PXK: variants seen among roughly 807,000 people sequenced by gnomAD.
PXK encodes PX domain-containing protein kinase-like protein.
A neutral mutation model predicts 84.7 loss-of-function variants in PXK; 35 were observed. That is an observed-to-expected ratio of 0.41 (90% CI 0.32 to 0.55). The LOEUF (loss-of-function observed/expected upper bound fraction) is 0.55. Among genes scored for constraint, PXK ranks in the 20% least tolerant of loss-of-function variants. The pLI is 0.21. For missense variants in PXK, 634 were observed against 699.7 expected (o/e 0.91, Z 1.06); for synonymous variants, 253 against 260.8 (o/e 0.97, Z 0.29).
chr3:58,336,060 TATATA>T (rs2097590136), intron 1 of PXK, among the ~76,000 whole-genome samples: 1 of 57,066 alleles, frequency 1.8e-5, no homozygotes, highest in African/African-American at 1.2e-4. Flanking sequence ...TATATATATA[TATATA>T]TATATATTTT....
intron 1 of PXK, among the ~76,000 whole-genome samples, chr3:58,351,550 C>T (rs745436365): frequency 1.3e-5 from 2 of 152,014 alleles, no homozygotes; most frequent in Non-Finnish European, 2.9e-5. Context: ...TGTGAGCCAC[C>T]GTGCCTGGCC....
chr3:58,336,325 G>A (rs2097608794), intron 1 of PXK, among the ~76,000 whole-genome samples: 1 of 152,040 alleles, frequency 6.6e-6, no homozygotes, highest in African/African-American at 2.4e-5. Context: ...GTCACCACCA[G>A]AAAGGCATAT....
In PXK at chr3:58,385,605, C is replaced by G. The variant is rs13071861; in HGVS notation, c.388+2905C>G. Among the ~76,000 whole-genome samples the G allele has an allele frequency of 0.15, 22,204 of 152,132 alleles. 1,603 individuals carry two copies. Among genetic ancestry groups the G allele is most frequent in the East Asian group, 0.19 (985 of 5,168 alleles). ...CCGTGACCTTCTGGGTTCAAGTGAT[C>G]CTTGCGCTCCAGCCTCCTGAGTAGC... On this transcript the variant is annotated intron_variant, in intron 4 of 17. Coordinates refer to ENST00000356151, the MANE Select transcript of PXK (RefSeq NM_017771.5). This position sits in a 1 kb window ranked among gnomAD's most constrained non-coding sequence, Gnocchi z 5.1.
At chr3:58,420,458 AC>A in intron 17 of PXK, 2 of 1,481,520 alleles carry the variant, frequency 1.3e-6, no homozygotes, top group Admixed American at 3.9e-5. Context: ...ACTGTCTGTT[AC>A]TATTTGATTA....
At chr3:58,423,446 A>T (rs4681852) in intron 17 of PXK, 234,520 of 1,526,516 alleles carry the variant, frequency 0.15, 18,195 homozygotes, top group East Asian at 0.21. Flanking sequence ...TATTTGTGTG[A>T]TTCTTTAATT....
intron 17 of PXK, among the ~76,000 whole-genome samples, chr3:58,424,422 C>T (rs1006593987): frequency 6.6e-6 from 1 of 152,178 alleles, no homozygotes; most frequent in Non-Finnish European, 1.5e-5. Context: ...ATAGATGGAA[C>T]TCTTCTTTGG....
At chr3:58,406,636 G>C (rs953629555) in intron 13 of PXK, among the ~76,000 whole-genome samples, 1 of 152,120 alleles carries the variant, frequency 6.6e-6, no homozygotes, top group Non-Finnish European at 1.5e-5. Flanking sequence ...TAAGTGTACA[G>C]TTCAGTGGTG....
In PXK at chr3:58,425,847, T is replaced by G. The variant is rs1328843145; in HGVS notation, c.*887T>G. 6.6e-6 allele frequency: 1 copy of G among 152,224 alleles called. No homozygotes were observed. Among genetic ancestry groups the G allele is most frequent in the Non-Finnish European group, 1.5e-5 (1 of 68,040 alleles). The allele number at this position is 152,224 out of a possible 1,614,324, so 9.4% of individuals were successfully genotyped here. A position where few individuals can be genotyped will look rare whatever the true frequency, so the allele number is the denominator to read the frequency against. On this transcript the variant is annotated 3_prime_UTR_variant, in exon 18 of 18. Coordinates refer to ENST00000356151, the MANE Select transcript of PXK (RefSeq NM_017771.5). The stretch of plus-strand genomic sequence containing the variant: ...GTTAGTCATTTATTAGAAAGATCCT[T>G]TATCCTGATTTGCTTAAACCTTTCA...
intron 3 of PXK, among the ~76,000 whole-genome samples, chr3:58,376,538 C>G (rs1346125202): frequency 6.6e-6 from 1 of 152,156 alleles, no homozygotes; most frequent in Non-Finnish European, 1.5e-5. Context: ...ACTTAGCATA[C>G]ACACACGTAA....
rs1242031432 is a variant in PXK, at chr3:58,407,797, T to G, written c.1231-1127T>G. ...GTCTTGAACTTCTGACCTCAAGTGA[T>G]CCACCCACCTCAGCCTCCCAAAGTA... On this transcript the variant is annotated intron_variant, in intron 13 of 17. Transcript: ENST00000356151. The surrounding 1 kb of genome is among the most constrained non-coding windows in gnomAD (Gnocchi z 4.3). Among the ~76,000 whole-genome samples, 2 of 152,220 alleles carry G rather than the reference T, an allele frequency of 1.3e-5. No individual in the cohort carries two copies. The highest frequency in any genetic ancestry group is 4.8e-5 in the African/African-American group (2 of 41,456).
rs1466581809 is a variant in PXK, at chr3:58,407,832, C to T, written c.1231-1092C>T. Among the ~76,000 whole-genome samples the T allele has an allele frequency of 6.6e-6, 1 of 152,234 alleles. No homozygotes were observed. The highest frequency in any genetic ancestry group is 2.4e-5 in the African/African-American group (1 of 41,458). On this transcript the variant is annotated intron_variant, in intron 13 of 17. Coordinates refer to ENST00000356151, the MANE Select transcript of PXK (RefSeq NM_017771.5). The surrounding 1 kb of genome is among the most constrained non-coding windows in gnomAD (Gnocchi z 4.3). ...TCAGCCTCCCAAAGTATTGGGATTA[C>T]AGGCGTGAGCCACCTTGCCCGGCTG...
chr3:58,403,829 A>G lies in PXK; in HGVS notation c.1182-33A>G, dbSNP rs773151691. The stretch of plus-strand genomic sequence containing the variant: ...CTAGTCTGAGAGTGCACGTGGTTCA[A>G]GAAAGATTTTTGTTTGTTTCTTTTC... On this transcript the variant is annotated intron_variant, in intron 12 of 17. Transcript: ENST00000356151. 23 of 1,475,216 alleles carry G rather than the reference A, an allele frequency of 1.6e-5. 1 individual carries two copies. The South Asian group carries it at 3.2e-4, about 20-fold the overall frequency. 91.4% of individuals were successfully genotyped at this position (1,475,216 alleles called of 1,614,324 possible).
intron 17 of PXK, among the ~76,000 whole-genome samples, chr3:58,415,998 A>G (rs982183372): frequency 6.6e-6 from 1 of 152,208 alleles, no homozygotes; most frequent in Admixed American, 6.5e-5. Context: ...TGGGGTCAGT[A>G]GAAAAATGCT....
rs905234214 is a variant in PXK at position 58,399,473 on chromosome 3, C to G, written c.1181+96C>G. 1.8e-5 allele frequency: 23 copies of G among 1,260,540 alleles called. No homozygotes were observed. In the South Asian group the frequency reaches 2.8e-4, roughly 15 times the overall value. 78.1% of individuals were successfully genotyped at this position (1,260,540 alleles called of 1,614,324 possible). On this transcript the variant is annotated intron_variant, in intron 12 of 17. Coordinates refer to ENST00000356151, the MANE Select transcript of PXK (RefSeq NM_017771.5). This position sits in a 1 kb window ranked among gnomAD's most constrained non-coding sequence, Gnocchi z 4.3. ...CCTGGTACTGTAGTAAAGATTCTTG[C>G]GGTCCCTGCAGAGTTGGCGTGGCCT... is the stretch of plus-strand genomic sequence containing the variant.
chr3:58,342,920 C>T (rs1036701788), intron 1 of PXK, among the ~76,000 whole-genome samples: 19 of 152,172 alleles, frequency 1.2e-4, no homozygotes, highest in African/African-American at 4.3e-4. Context: ...GGCTCTGTGC[C>T]GGAGAGCAGG....
intron 1 of PXK, among the ~76,000 whole-genome samples, chr3:58,342,634 CAAAAAAAAAAA>C (rs71091369): frequency 5.3e-5 from 6 of 113,476 alleles, no homozygotes; most frequent in African/African-American, 1.9e-4. Flanking sequence ...GACTCTGTCT[CAAAAAAAAAAA>C]AAAAAAGAAA....
chr3:58,360,508 T>C (rs1393436231), intron 1 of PXK, among the ~76,000 whole-genome samples: 1 of 152,076 alleles, frequency 6.6e-6, no homozygotes, highest in Admixed American at 6.5e-5. Flanking sequence ...TCAAAGTTAG[T>C]AAAACAGGCT....
intron 3 of PXK, among the ~76,000 whole-genome samples, chr3:58,376,830 G>C (rs1321931746): frequency 6.7e-6 from 1 of 148,734 alleles, no homozygotes; most frequent in Non-Finnish European, 1.5e-5. Context: ...AGTAGAGATG[G>C]GGTTTTGCTA....
intron 2 of PXK, among the ~76,000 whole-genome samples, chr3:58,366,651 C>T (rs545069080): frequency 6.6e-6 from 1 of 152,324 alleles, no homozygotes; most frequent in South Asian, 2.1e-4. Flanking sequence ...CTCTTACACA[C>T]AGTTGTCCAC....
Sources: allele counts gnomAD v4.1 joint callset (sites outside exome capture counted in the v4.1 genomes callset), GRCh38; gene constraint gnomAD v4.1.1; non-coding constraint Gnocchi (gnomAD v3.1); transcripts MANE v1.5; gene names NCBI Gene and HGNC (gene_info 2026-07-23, HGNC 2026-07-21).